IP6K3: variants seen among roughly 807,000 people sequenced by gnomAD.
IP6K3 encodes the protein ATP:1D-myo-inositol-hexakisphosphate phosphotransferase.
Under a neutral mutation model 28.8 loss-of-function variants are expected in IP6K3, and 20 were observed. The observed-to-expected ratio is 0.70, with a 90% CI of 0.49 to 1.01. The LOEUF is 1.01. IP6K3 is among the 50% of genes least tolerant of loss of function. IP6K3 has a pLI of 0.00. For synonymous variants in IP6K3, 213 were observed against 221.3 expected (o/e 0.96, Z 0.33); for missense variants, 480 against 537.1 (o/e 0.89, Z 1.05).
intron 5 of IP6K3, among the ~76,000 whole-genome samples, chr6:33,723,812 T>A (rs1765999898): frequency 6.6e-6 from 1 of 152,236 alleles, no homozygotes; most frequent in African/African-American, 2.4e-5. Flanking sequence ...ATGGCAGCTC[T>A]GTGGGGCTGG....
At position 33,723,086 on chromosome 6, in the gene IP6K3, A is replaced by G; in HGVS notation, c.867T>C (p.His289=). 1 of 1,614,188 alleles carries G rather than the reference A, an allele frequency of 6.2e-7. No individual in the cohort carries two copies. The highest frequency in any genetic ancestry group is 8.5e-7 in the Non-Finnish European group (1 of 1,180,008). ...GFRQALYQFL[H]NGSHLRRELL... ...GCTCCCTCCGGAGGTGGCTTCCATT[A>G]TGTAGGAACTGATAGAGGGCTTGTC... The change falls in exon 6 of 6, where the codon CAT becomes CAC. Residue 289 remains histidine, a synonymous_variant. Transcript: ENST00000293756.
chr6:33,744,339 C>T lies in IP6K3; in HGVS notation c.-180+2419G>A, dbSNP rs139428457. 2.8e-3 allele frequency among the ~76,000 whole-genome samples: 421 copies of T among 152,294 alleles called. 3 individuals are homozygous for T. Among genetic ancestry groups the T allele is most frequent in the African/African-American group, 9.0e-3 (375 of 41,540 alleles). On this transcript the variant is annotated intron_variant, in intron 1 of 5. Transcript: ENST00000293756. The surrounding 1 kb of genome is among the most constrained non-coding windows in gnomAD (Gnocchi z 4.4). The stretch of plus-strand genomic sequence containing the variant: ...TCCTCTAAGTAATATGATCAGCCAC[C>T]ACCTGTCTTGTGCAAGAGACCTATG...
chr6:33,740,547 A>T (rs369999830), intron 1 of IP6K3, among the ~76,000 whole-genome samples: 99 of 152,330 alleles, frequency 6.5e-4, no homozygotes, highest in African/African-American at 2.2e-3. Flanking sequence ...AAAGAGGGTC[A>T]CTGACAGCAG....
chr6:33,754,869 A>G, the IP6K3 span, among the ~76,000 whole-genome samples: 10 of 152,334 alleles, frequency 6.6e-5, no homozygotes, highest in Non-Finnish European at 8.8e-5. Context: ...CACTGTTACA[A>G]CCATGAATAT....
chr6:33,753,196 G>T, the IP6K3 span, among the ~76,000 whole-genome samples: 8 of 152,190 alleles, frequency 5.3e-5, no homozygotes, highest in Non-Finnish European at 1.2e-4. Context: ...AGAATTACAG[G>T]CATGAGCCAC....
At position 33,735,485 on chromosome 6, in the gene IP6K3, A is replaced by ATGG. The variant is rs1169984019; in HGVS notation, c.-12_-10dup. The ATGG allele has an allele frequency of 2.5e-6, 4 of 1,606,136 alleles. No homozygotes were observed. The highest frequency in any genetic ancestry group is 1.3e-5 in the African/African-American group (1 of 74,996). Reference sequence around the variant, plus strand: ...CTGTTTTGCACAACCATGGCGGCAGATGGTGGTGGTGGGGGGTCCCTGCAC... The same window carrying ATGG: ...CTGTTTTGCACAACCATGGCGGCAGATGGTGGTGGTGGTGGGGGGTCCCTGCAC... On this transcript the variant is annotated 5_prime_UTR_variant, in exon 2 of 6. Transcript: ENST00000293756.
chr6:33,760,777 C>T, the IP6K3 span, among the ~76,000 whole-genome samples: 5 of 152,204 alleles, frequency 3.3e-5, no homozygotes, highest in South Asian at 6.2e-4. Context: ...CTGCCCACCT[C>T]GGCCTCTCAA....
rs953401349 is a variant in IP6K3 at position 33,732,636 on chromosome 6, G to T, written c.199+2642C>A. On this transcript the variant is annotated intron_variant, in intron 2 of 5. Coordinates refer to ENST00000293756, the MANE Select transcript of IP6K3 (RefSeq NM_054111.5). ...ATCCTGGCTCTGCCTCTCAGTGTCC[G>T]TGTTGGCCTCAGGCATGCCAGGTAA... 3.9e-5 allele frequency among the ~76,000 whole-genome samples: 6 copies of T among 152,330 alleles called. No homozygotes were observed. In the South Asian group the frequency reaches 1.2e-3, roughly 32 times the overall value.
At chr6:33,749,978 G>A (rs926743770), upstream of IP6K3, among the ~76,000 whole-genome samples, 1 of 152,120 alleles carries the variant, frequency 6.6e-6, no homozygotes, top group East Asian at 1.9e-4. Context: ...TCATAGGCAT[G>A]CACTTACTAT....
upstream of IP6K3, among the ~76,000 whole-genome samples, chr6:33,750,383 C>T (rs1462444430): frequency 2.0e-5 from 3 of 152,224 alleles, no homozygotes; most frequent in Non-Finnish European, 4.4e-5. This position sits in a 1 kb window ranked among gnomAD's most constrained non-coding sequence, Gnocchi z 4.3. Context: ...CCCTGCCCAC[C>T]TCCTCAGCCC....
the IP6K3 span, among the ~76,000 whole-genome samples, chr6:33,760,161 T>A: frequency 1.5e-4 from 23 of 152,328 alleles, no homozygotes; most frequent in East Asian, 2.9e-3. Context: ...CCATATATAC[T>A]CACTAGCTAG....
chr6:33,758,007 G>A, the IP6K3 span, among the ~76,000 whole-genome samples: 10,070 of 152,256 alleles, frequency 0.066, 441 homozygotes, highest in African/African-American at 0.12. Flanking sequence ...AGAGAATGGC[G>A]TGGCGTCTGG....
rs1766499468 is a variant in IP6K3, at chr6:33,735,671, G to T, written c.-179-16C>A. ...GCGGGGTCCTCTGGAAAGCAGGGGA[G>T]GAAGGAGGAAGTTATATGAGGGAGG... On this transcript the variant is annotated splice_polypyrimidine_tract_variant and intron_variant, in intron 1 of 5. Coordinates refer to ENST00000293756, the MANE Select transcript of IP6K3 (RefSeq NM_054111.5). The T allele has an allele frequency of 2.2e-6, 3 of 1,359,916 alleles. No individual in the cohort carries two copies. Among genetic ancestry groups the T allele is most frequent in the Admixed American group, 2.9e-5 (1 of 34,924 alleles). 84.2% of individuals were successfully genotyped at this position (1,359,916 alleles called of 1,614,324 possible).
In IP6K3 at chr6:33,722,354, A is replaced by G. The variant is rs1224548015; in HGVS notation, c.*366T>C. ...TGCTTCAAGTCAAGTTTTCTGCCTC[A>G]CAGCTTGTGCGGACTGCAGCATGGC... On this transcript the variant is annotated 3_prime_UTR_variant, in exon 6 of 6. Transcript: ENST00000293756. 1 of 177,008 alleles carries G rather than the reference A, an allele frequency of 5.6e-6. No individual in the cohort carries two copies. The highest frequency in any genetic ancestry group is 1.2e-5 in the Non-Finnish European group (1 of 82,118). 11.0% of individuals were successfully genotyped at this position (177,008 alleles called of 1,614,324 possible). A position where few individuals can be genotyped will look rare whatever the true frequency, so the allele number is the denominator to read the frequency against.
At chr6:33,724,702 TAAG>T (rs1766030825) in intron 5 of IP6K3, among the ~76,000 whole-genome samples, 5 of 152,132 alleles carry the variant, frequency 3.3e-5, no homozygotes, top group Non-Finnish European at 2.9e-5. Context: ...ATACAGCATC[TAAG>T]AAGGAGAGAA....
rs1290096719 is a variant in IP6K3, at chr6:33,742,889, T to A, written c.-180+3869A>T. On this transcript the variant is annotated intron_variant, in intron 1 of 5. Transcript: ENST00000293756. The surrounding 1 kb of genome is among the most constrained non-coding windows in gnomAD (Gnocchi z 4.5). ...AAGGAGTCCAGGAGGAGGGGAGATG[T>A]TGGCTCAGCCTTGGGGAGCTTGGGG... 6.6e-6 allele frequency among the ~76,000 whole-genome samples: 1 copy of A among 152,058 alleles called. No homozygotes were observed. Among genetic ancestry groups the A allele is most frequent in the African/African-American group, 2.4e-5 (1 of 41,374 alleles).
chr6:33,737,007 A>T (rs1766550106), intron 1 of IP6K3, among the ~76,000 whole-genome samples: 1 of 152,188 alleles, frequency 6.6e-6, no homozygotes, highest in Non-Finnish European at 1.5e-5. Context: ...GGGTTGTAGG[A>T]CAGGCAGGCC....
chr6:33,726,027 A>G (rs943393198), intron 4 of IP6K3, among the ~76,000 whole-genome samples: 2 of 152,206 alleles, frequency 1.3e-5, no homozygotes, highest in African/African-American at 4.8e-5. Context: ...TTTGGAGATG[A>G]GTTGCAGGAA....
chr6:33,741,111 C>A (rs1462064419), intron 1 of IP6K3, among the ~76,000 whole-genome samples: 2 of 152,138 alleles, frequency 1.3e-5, no homozygotes. Context: ...AGAGATGTTC[C>A]CCCCATTCTC....
Sources: allele counts gnomAD v4.1 joint callset (sites outside exome capture counted in the v4.1 genomes callset), GRCh38; gene constraint gnomAD v4.1.1; non-coding constraint Gnocchi (gnomAD v3.1); transcripts MANE v1.5; gene names NCBI Gene and HGNC (gene_info 2026-07-23, HGNC 2026-07-21).